Variants in PDE4D observed in about 807,000 individuals in gnomAD.
The protein encoded by PDE4D is 3',5'-cyclic-AMP phosphodiesterase 4D.
In PDE4D, 24 loss-of-function variants were observed where a neutral mutation model predicts 87.4. The observed-to-expected ratio is 0.27, with a 90% CI of 0.20 to 0.39. The LOEUF (loss-of-function observed/expected upper bound fraction) is 0.39. Among genes scored for constraint, PDE4D ranks in the 10% least tolerant of loss-of-function variants. The pLI is 1.00. For missense variants in PDE4D, 714 were observed against 1,041.0 expected, an observed-to-expected ratio of 0.69 and a Z score of 4.32; for synonymous variants, 384 against 383.2, an observed-to-expected ratio of 1.00 and a Z score of -0.02.
Position 59,904,943 on chromosome 5 carries a change from C to T in PDE4D, c.272+83545G>A, listed in dbSNP as rs1277806199. 2.3e-4 allele frequency among the ~76,000 whole-genome samples: 35 copies of T among 152,118 alleles called. 1 individual carries two copies. Among genetic ancestry groups the T allele is most frequent in the Admixed American group, 2.3e-3 (35 of 15,282 alleles). On this transcript the variant is annotated intron_variant, in intron 3 of 16. Coordinates refer to the PDE4D transcript ENST00000502484. Reference sequence around the variant, plus strand: ...AGGAAAGGAAAAAATATACAGAATTCACAAGTCACGGCAGACTCTCCAACA... The same window carrying T: ...AGGAAAGGAAAAAATATACAGAATTTACAAGTCACGGCAGACTCTCCAACA...
chr5:59,748,839 A>G (rs1760010161), intron 1 of PDE4D, among the ~76,000 whole-genome samples: 1 of 152,220 alleles, frequency 6.6e-6, no homozygotes. Flanking sequence ...AGCCCTTTGG[A>G]GAAGCACAAA....
intron 5 of PDE4D, among the ~76,000 whole-genome samples, chr5:59,062,211 A>T (rs1763231343): frequency 6.6e-6 from 1 of 152,174 alleles, no homozygotes; most frequent in African/African-American, 2.4e-5. Flanking sequence ...CATGGATAAG[A>T]CATATAACCA....
At chr5:59,394,392 T>C (rs1222589475) in intron 1 of PDE4D, among the ~76,000 whole-genome samples, 1 of 152,222 alleles carries the variant, frequency 6.6e-6, no homozygotes, top group African/African-American at 2.4e-5. Flanking sequence ...TTTTTGTCTT[T>C]TTGCTGAAGG....
intron 5 of PDE4D, among the ~76,000 whole-genome samples, chr5:59,120,878 A>T (rs561088733): frequency 7.8e-4 from 119 of 152,318 alleles, no homozygotes; most frequent in South Asian, 1.4e-3. Flanking sequence ...ATTTTTACAG[A>T]GTGGACTGAT....
At chr5:60,198,749 G>T (rs1741576700) in intron 1 of PDE4D, among the ~76,000 whole-genome samples, 1 of 151,566 alleles carries the variant, frequency 6.6e-6, no homozygotes, top group Admixed American at 6.6e-5. Flanking sequence ...TGTAGGATAG[G>T]GGAGCTCAAA....
chr5:59,588,486 G>C, intron 1 of PDE4D, among the ~76,000 whole-genome samples: 1 of 152,130 alleles, frequency 6.6e-6, no homozygotes, highest in Admixed American at 6.5e-5. Context: ...GATATTAAAT[G>C]GAATACCGGC....
At chr5:60,018,979 T>A (rs1156344350) in intron 2 of PDE4D, among the ~76,000 whole-genome samples, 2 of 152,180 alleles carry the variant, frequency 1.3e-5, no homozygotes, top group Non-Finnish European at 2.9e-5. Context: ...CTAGGTCAAG[T>A]GAACCTGATA....
At chr5:59,054,145 T>A (rs1762003350) in intron 5 of PDE4D, among the ~76,000 whole-genome samples, 1 of 152,182 alleles carries the variant, frequency 6.6e-6, no homozygotes, top group African/African-American at 2.4e-5. Flanking sequence ...TGAAAGTGTC[T>A]TTCTTCATCA....
chr5:59,494,306 G>T (rs1003211289), intron 1 of PDE4D, among the ~76,000 whole-genome samples: 1 of 152,166 alleles, frequency 6.6e-6, no homozygotes, highest in Non-Finnish European at 1.5e-5. Flanking sequence ...CCTAGGCATT[G>T]CCATGTTAGT....
At chr5:60,404,565 C>A (rs1391994805) in intron 1 of PDE4D, among the ~76,000 whole-genome samples, 1 of 152,080 alleles carries the variant, frequency 6.6e-6, no homozygotes, top group East Asian at 1.9e-4. Context: ...CCACATGTGG[C>A]TATTGAGCCC....
At chr5:60,374,717 C>T (rs192025967) in intron 1 of PDE4D, among the ~76,000 whole-genome samples, 2,090 of 152,192 alleles carry the variant, frequency 0.014, 49 homozygotes, top group African/African-American at 0.048. Flanking sequence ...GGGCATTGTT[C>T]CCAGTTCAAA....
intron 1 of PDE4D, among the ~76,000 whole-genome samples, chr5:59,508,244 C>T (rs1288065639): frequency 1.3e-5 from 2 of 152,064 alleles, no homozygotes; most frequent in South Asian, 2.1e-4. Context: ...AAAGTCAATA[C>T]CTATAACTAG....
At chr5:59,850,057 G>A (rs1423882668) in intron 1 of PDE4D, among the ~76,000 whole-genome samples, 1 of 152,012 alleles carries the variant, frequency 6.6e-6, no homozygotes, top group East Asian at 1.9e-4. Context: ...ATTGATTAAC[G>A]TGTTGATTAG....
At chr5:60,439,139 T>C (rs542180481) in intron 1 of PDE4D, among the ~76,000 whole-genome samples, 1 of 152,244 alleles carries the variant, frequency 6.6e-6, no homozygotes, top group South Asian at 2.1e-4. Flanking sequence ...AAGTTCCCAG[T>C]TGATAACCAC....
chr5:60,237,703 GTGGTGATTA>G (rs1263728162), intron 1 of PDE4D, among the ~76,000 whole-genome samples: 1 of 151,638 alleles, frequency 6.6e-6, no homozygotes, highest in Non-Finnish European at 1.5e-5. Flanking sequence ...CTTGATTGAA[GTGGTGATTA>G]CACAAATCTA....
chr5:60,169,524 A>G (rs1783225730), intron 2 of PDE4D, among the ~76,000 whole-genome samples: 1 of 152,080 alleles, frequency 6.6e-6, no homozygotes, highest in African/African-American at 2.4e-5. Flanking sequence ...TTCTAAATCT[A>G]TCTATGAGAT....
intron 2 of PDE4D, among the ~76,000 whole-genome samples, chr5:60,181,161 T>C (rs983904255): frequency 6.6e-6 from 1 of 152,146 alleles, no homozygotes; most frequent in Non-Finnish European, 1.5e-5. Context: ...CACTAAAAAA[T>C]GCAGATAAAA....
chr5:60,238,724 T>A (rs1319134736), intron 1 of PDE4D, among the ~76,000 whole-genome samples: 3 of 152,192 alleles, frequency 2.0e-5, no homozygotes, highest in African/African-American at 4.8e-5. Flanking sequence ...ATTTGAAAGA[T>A]TCCTTCATAC....
chr5:59,703,648 G>C (rs1186977160), intron 1 of PDE4D: 1 of 531,274 alleles, frequency 1.9e-6, no homozygotes, highest in Non-Finnish European at 3.9e-6. Flanking sequence ...TGTTCAACCA[G>C]TTACAATTAG....
Sources: allele counts gnomAD v4.1 joint callset (sites outside exome capture counted in the v4.1 genomes callset), GRCh38; gene constraint gnomAD v4.1.1; transcripts MANE v1.5; gene names NCBI Gene and HGNC (gene_info 2026-07-23, HGNC 2026-07-21).